The following FBXW11 variants were observed in gnomAD, a reference collection of about 807,000 sequenced individuals.
FBXW11 encodes the protein F-box/WD repeat-containing protein 11.
FBXW11 carries 19 observed loss-of-function variants against 77.6 expected under a neutral mutation model. That is an observed-to-expected ratio of 0.24 (90% CI 0.17 to 0.36). FBXW11 has a LOEUF of 0.36. Among genes scored for constraint, FBXW11 ranks in the 10% least tolerant of loss-of-function variants. The probability of loss-of-function intolerance (pLI) is 1.00; values close to 1 mark genes in which losing one functional copy is unlikely to be tolerated. For synonymous variants in FBXW11, 235 were observed against 249.4 expected, an observed-to-expected ratio of 0.94 and a Z score of 0.54; for missense variants, 334 against 704.2, an observed-to-expected ratio of 0.47 and a Z score of 5.95.
chr5:171,924,552 A>T (rs1160958447), intron 2 of FBXW11, among the ~76,000 whole-genome samples: 1 of 151,976 alleles, frequency 6.6e-6, no homozygotes, highest in Admixed American at 6.6e-5. Context: ...GCATAACCTC[A>T]TTCTTCTTGG....
intron 2 of FBXW11, among the ~76,000 whole-genome samples, chr5:171,933,279 C>T (rs974861203): frequency 3.9e-5 from 6 of 151,900 alleles, no homozygotes; most frequent in Admixed American, 2.0e-4. Flanking sequence ...GGCTACACAC[C>T]GTGTGATCCA....
intron 2 of FBXW11, among the ~76,000 whole-genome samples, chr5:171,925,557 T>C (rs987886909): frequency 2.6e-5 from 4 of 152,248 alleles, no homozygotes; most frequent in African/African-American, 9.6e-5. Flanking sequence ...CATGGTTCAC[T>C]ACAGCCTCAG....
intron 4 of FBXW11, among the ~76,000 whole-genome samples, chr5:171,901,759 T>C (rs1760128631): frequency 6.6e-6 from 1 of 152,172 alleles, no homozygotes; most frequent in South Asian, 2.1e-4. Flanking sequence ...GCACAGCTAG[T>C]TGGAAAGGTG....
rs1157912448 is a variant in FBXW11, at chr5:171,876,726, T to C, written c.972-192A>G. 6.6e-6 allele frequency among the ~76,000 whole-genome samples: 1 copy of C among 152,196 alleles called. No homozygotes were observed. Among genetic ancestry groups the C allele is most frequent in the Non-Finnish European group, 1.5e-5 (1 of 68,032 alleles). On this transcript the variant is annotated intron_variant, in intron 8 of 13. Coordinates refer to ENST00000517395, the MANE Select transcript of FBXW11 (RefSeq NM_001378974.1). The surrounding 1 kb of genome is among the most constrained non-coding windows in gnomAD (Gnocchi z 4.2). ...AGATGTTTTGGGTCATGGTGGTGTA[T>C]CACTCATGAATGGCTTGGTGCCATT...
intron 7 of FBXW11, among the ~76,000 whole-genome samples, chr5:171,881,464 G>A (rs541875948): frequency 6.6e-6 from 1 of 152,106 alleles, no homozygotes; most frequent in Non-Finnish European, 1.5e-5. Flanking sequence ...ATCTATTGAC[G>A]TGATTTTCTT....
chr5:171,912,661 C>A (rs1217016624), intron 3 of FBXW11, among the ~76,000 whole-genome samples: 1 of 152,118 alleles, frequency 6.6e-6, no homozygotes, highest in Non-Finnish European at 1.5e-5. Context: ...AATCCCAGCA[C>A]TTTGGGAGGC....
intron 3 of FBXW11, among the ~76,000 whole-genome samples, chr5:171,911,196 T>G (rs967538407): frequency 2.6e-5 from 4 of 152,236 alleles, no homozygotes; most frequent in African/African-American, 7.2e-5. Context: ...CAACTGATTA[T>G]TAACAGTTTG....
intron 1 of FBXW11, among the ~76,000 whole-genome samples, chr5:171,978,355 G>A (rs1310976984): frequency 6.6e-6 from 1 of 152,170 alleles, no homozygotes; most frequent in Admixed American, 6.5e-5. Context: ...GTCCAGTGGT[G>A]CCCTCCACAT....
chr5:171,933,402 C>T (rs972444493), intron 2 of FBXW11, among the ~76,000 whole-genome samples: 5 of 152,162 alleles, frequency 3.3e-5, no homozygotes, highest in African/African-American at 9.7e-5. Context: ...TGAAACTATT[C>T]TGTATGATAC....
In FBXW11 at chr5:171,876,220, C is replaced by T. The variant is rs1758074075; in HGVS notation, c.1221+65G>A. On this transcript the variant is annotated intron_variant, in intron 9 of 13. Coordinates refer to ENST00000517395, the MANE Select transcript of FBXW11 (RefSeq NM_001378974.1). This position sits in a 1 kb window ranked among gnomAD's most constrained non-coding sequence, Gnocchi z 4.2. The stretch of plus-strand genomic sequence containing the variant: ...CAGGTACCAGGTTGGTATAAGCCAC[C>T]TCTGCTTTGTCTCTGTTCTAAAAGG... 2 of 1,592,144 alleles carry T rather than the reference C, an allele frequency of 1.3e-6. No individual in the cohort carries two copies. Among genetic ancestry groups the T allele is most frequent in the South Asian group, 1.1e-5 (1 of 87,320 alleles).
intron 2 of FBXW11, among the ~76,000 whole-genome samples, chr5:171,917,141 G>A (rs547719694): frequency 3.9e-5 from 6 of 152,034 alleles, no homozygotes; most frequent in Admixed American, 1.3e-4. Context: ...GGATGGTCTC[G>A]ATCTCTTGAA....
At chr5:171,920,150 G>GA (rs2113980196) in intron 2 of FBXW11, among the ~76,000 whole-genome samples, 1 of 151,822 alleles carries the variant, frequency 6.6e-6, no homozygotes, top group East Asian at 2.0e-4. Flanking sequence ...GCAACAGAGC[G>GA]AGACTCTGTC....
intron 1 of FBXW11, among the ~76,000 whole-genome samples, chr5:171,971,418 C>T (rs956447054): frequency 3.3e-5 from 5 of 152,170 alleles, no homozygotes; most frequent in Admixed American, 2.6e-4. Flanking sequence ...CCTTTAAGAC[C>T]CTTTTTCCAT....
intron 1 of FBXW11, among the ~76,000 whole-genome samples, chr5:171,961,314 G>A (rs1318078886): frequency 1.3e-5 from 2 of 152,198 alleles, no homozygotes; most frequent in Admixed American, 1.3e-4. Context: ...GTTTCAAGAC[G>A]AGTGTTGTTT....
At chr5:171,978,107 T>C (rs988813355) in intron 1 of FBXW11, among the ~76,000 whole-genome samples, 1 of 151,982 alleles carries the variant, frequency 6.6e-6, no homozygotes, top group Admixed American at 6.6e-5. Flanking sequence ...GACCCCTCCC[T>C]AATAATGAGA....
intron 13 of FBXW11, among the ~76,000 whole-genome samples, chr5:171,868,376 G>A (rs1181251054): frequency 6.6e-6 from 1 of 152,048 alleles, no homozygotes; most frequent in Non-Finnish European, 1.5e-5. Flanking sequence ...TTAAAAACAG[G>A]AACCATGTTC....
intron 1 of FBXW11, among the ~76,000 whole-genome samples, chr5:171,990,730 C>G (rs1228001369): frequency 6.6e-6 from 1 of 151,894 alleles, no homozygotes; most frequent in African/African-American, 2.4e-5. Flanking sequence ...AAAAAAGGTG[C>G]AAAAATAATG....
At position 171,869,174 on chromosome 5, in the gene FBXW11, G is replaced by A. The variant is rs1290415784; in HGVS notation, c.1531-378C>T. On this transcript the variant is annotated intron_variant, in intron 12 of 13. Coordinates refer to ENST00000517395, the MANE Select transcript of FBXW11 (RefSeq NM_001378974.1). This position sits in a 1 kb window ranked among gnomAD's most constrained non-coding sequence, Gnocchi z 4.1. ...TGACCAGGATCTACCTCAAATTGCTGCCAGCATCAAAATTCATGGTGAAAT... is the reference window on the plus strand; with the variant it reads ...TGACCAGGATCTACCTCAAATTGCTACCAGCATCAAAATTCATGGTGAAAT... 6.6e-6 allele frequency among the ~76,000 whole-genome samples: 1 copy of A among 152,142 alleles called. No homozygotes were observed. Among genetic ancestry groups the A allele is most frequent in the African/African-American group, 2.4e-5 (1 of 41,422 alleles).
rs1050340127 is a variant in FBXW11 at position 171,904,569 on chromosome 5, TTTG to T, written c.437-4472_437-4470del. ...GGCCCAGGAATCTGGGTGTGGTTTTTTTGTTGTTGTTGTTGTTTTTGGAAACAG... is the reference window on the plus strand; with the variant it reads ...GGCCCAGGAATCTGGGTGTGGTTTTTTTGTTGTTGTTGTTTTTGGAAACAG... On this transcript the variant is annotated intron_variant, in intron 4 of 13. Transcript: ENST00000517395. The surrounding 1 kb of genome is among the most constrained non-coding windows in gnomAD (Gnocchi z 4.0). Among the ~76,000 whole-genome samples the T allele has an allele frequency of 1.7e-4, 26 of 152,106 alleles. 1 individual carries two copies. The highest frequency in any genetic ancestry group is 6.2e-4 in the South Asian group (3 of 4,802).
Sources: allele counts gnomAD v4.1 joint callset (sites outside exome capture counted in the v4.1 genomes callset), GRCh38; gene constraint gnomAD v4.1.1; non-coding constraint Gnocchi (gnomAD v3.1); transcripts MANE v1.5; gene names NCBI Gene and HGNC (gene_info 2026-07-23, HGNC 2026-07-21).